GRIK4: variants seen among roughly 807,000 people sequenced by gnomAD.
GRIK4 encodes the protein glutamate ionotropic receptor kainate type subunit 4, also known as glutamate receptor ionotropic, kainate 4.
In GRIK4, 40 loss-of-function variants were observed where a neutral mutation model predicts 104.9. The observed-to-expected ratio is 0.38, with a 90% CI of 0.30 to 0.50. The LOEUF (loss-of-function observed/expected upper bound fraction) is 0.50. Among genes scored for constraint, GRIK4 ranks in the 20% least tolerant of loss-of-function variants. The pLI is 0.93. For synonymous variants in GRIK4, 485 were observed against 524.9 expected (o/e 0.92, Z 1.04); for missense variants, 1,047 against 1,308.1 (o/e 0.80, Z 3.08).
chr11:120,819,688 C>T lies in GRIK4; in HGVS notation c.346-67C>T, dbSNP rs1337480991. On this transcript the variant is annotated intron_variant, in intron 5 of 20. Transcript: ENST00000527524. This position sits in a 1 kb window ranked among gnomAD's most constrained non-coding sequence, Gnocchi z 4.3. Reference sequence around the variant, plus strand: ...TCACCCTCCACAACCTCAGCTCACTCATCCCTCTTTCTTCCTTTTCACCCA... The same window carrying T: ...TCACCCTCCACAACCTCAGCTCACTTATCCCTCTTTCTTCCTTTTCACCCA... 1.4e-6 allele frequency: 2 copies of T among 1,461,152 alleles called. No homozygotes were observed. The highest frequency in any genetic ancestry group is 2.3e-5 in the South Asian group (2 of 86,840). 90.5% of individuals were successfully genotyped at this position (1,461,152 alleles called of 1,614,324 possible).
intron 1 of GRIK4, among the ~76,000 whole-genome samples, chr11:120,539,032 G>A (rs565964796): frequency 1.4e-4 from 21 of 152,348 alleles, no homozygotes; most frequent in Admixed American, 1.0e-3. Flanking sequence ...TGTACCCAAG[G>A]CCAGGGCCAC....
chr11:120,663,876 G>T (rs138631042), intron 3 of GRIK4, among the ~76,000 whole-genome samples: 1 of 151,922 alleles, frequency 6.6e-6, no homozygotes, highest in Non-Finnish European at 1.5e-5. Flanking sequence ...GTCCTTTCCC[G>T]TTATCATCCT....
chr11:120,580,929 C>T (rs751838607), intron 1 of GRIK4, among the ~76,000 whole-genome samples: 35 of 152,104 alleles, frequency 2.3e-4, no homozygotes, highest in Non-Finnish European at 7.4e-5. Context: ...CTAGTATTAT[C>T]CTTAAAACAA....
intron 6 of GRIK4, among the ~76,000 whole-genome samples, chr11:120,829,937 C>T (rs1252995447): frequency 6.6e-6 from 1 of 152,144 alleles, no homozygotes; most frequent in Non-Finnish European, 1.5e-5. Flanking sequence ...TTACAAGTCT[C>T]CATCGAAACC....
At chr11:120,868,537 G>C (rs1250737102) in intron 9 of GRIK4, 4 of 152,060 alleles carry the variant, frequency 2.6e-5, no homozygotes, top group African/African-American at 7.3e-5. Flanking sequence ...AAATGGGGGG[G>C]GGGGCGGTGC....
chr11:120,547,706 C>G (rs771786024), intron 1 of GRIK4, among the ~76,000 whole-genome samples: 7 of 152,040 alleles, frequency 4.6e-5, no homozygotes, highest in South Asian at 2.1e-4. Flanking sequence ...AGCTTGTCAT[C>G]ATTATTTTTT....
chr11:120,574,434 G>A (rs1418538741), intron 1 of GRIK4, among the ~76,000 whole-genome samples: 2 of 152,212 alleles, frequency 1.3e-5, no homozygotes, highest in Non-Finnish European at 2.9e-5. Context: ...AGTCCTATGA[G>A]ACGGGCACTG....
intron 19 of GRIK4, among the ~76,000 whole-genome samples, chr11:120,975,220 G>T (rs1363340418): frequency 6.6e-6 from 1 of 152,194 alleles, no homozygotes; most frequent in Non-Finnish European, 1.5e-5. Context: ...ATGGAAGTGT[G>T]AGACATCTTA....
At chr11:120,667,187 A>G (rs1949928946) in intron 3 of GRIK4, among the ~76,000 whole-genome samples, 2 of 152,224 alleles carry the variant, frequency 1.3e-5, no homozygotes, top group Non-Finnish European at 2.9e-5. Flanking sequence ...GAGACATTTC[A>G]TTATCATTGT....
Position 120,644,011 on chromosome 11 carries a change from C to CTCTGTG in GRIK4, c.-158-9673_-158-9672insCTGTGT, listed in dbSNP as rs1555150753. ...ATGACAAGTTTCCAGGGGAGAGGGTCTGTGTGTGTGTGTGTGTGTGTGTGT... is the reference window on the plus strand; with the variant it reads ...ATGACAAGTTTCCAGGGGAGAGGGTCTCTGTGTGTGTGTGTGTGTGTGTGTGTGTGT... On this transcript the variant is annotated intron_variant, in intron 1 of 20. Transcript: ENST00000527524. Among the ~76,000 whole-genome samples the CTCTGTG allele has an allele frequency of 7.5e-3, 918 of 122,916 alleles. 31 individuals carry two copies. Among genetic ancestry groups the CTCTGTG allele is most frequent in the Admixed American group, 0.062 (780 of 12,670 alleles). 80.6% of individuals were successfully genotyped at this position (122,916 alleles called of 152,430 possible). A position where few individuals can be genotyped will look rare whatever the true frequency, so the allele number is the denominator to read the frequency against.
At chr11:120,776,503 T>C (rs1952045503) in intron 3 of GRIK4, among the ~76,000 whole-genome samples, 1 of 152,204 alleles carries the variant, frequency 6.6e-6, no homozygotes, top group African/African-American at 2.4e-5. Context: ...AGGCAGGAGA[T>C]CACTGGATGC....
At chr11:120,849,486 T>A (rs1199618871) in intron 8 of GRIK4, among the ~76,000 whole-genome samples, 4 of 152,056 alleles carry the variant, frequency 2.6e-5, no homozygotes, top group Non-Finnish European at 5.9e-5. Flanking sequence ...ATCAAGAGAG[T>A]CTAATAATAA....
At chr11:120,803,414 T>G (rs1189287383) in intron 4 of GRIK4, among the ~76,000 whole-genome samples, 1 of 152,116 alleles carries the variant, frequency 6.6e-6, no homozygotes, top group East Asian at 1.9e-4. Context: ...TCTTGCAGGT[T>G]GTTAGGTTGT....
intron 3 of GRIK4, among the ~76,000 whole-genome samples, chr11:120,708,671 C>G (rs114606457): frequency 0.018 from 2,783 of 152,304 alleles, 89 homozygotes; most frequent in African/African-American, 0.057. Context: ...AATGAAGCTG[C>G]CCGCCTAAAG....
rs147722820 is a variant in GRIK4 at position 120,598,695 on chromosome 11, C to G, written c.-158-54990C>G. Among the ~76,000 whole-genome samples the G allele has an allele frequency of 3.6e-3, 541 of 152,344 alleles. 3 individuals are homozygous for G. Among genetic ancestry groups the G allele is most frequent in the Admixed American group, 6.5e-3 (100 of 15,312 alleles). On this transcript the variant is annotated intron_variant, in intron 1 of 20. Coordinates refer to ENST00000527524, the MANE Select transcript of GRIK4 (RefSeq NM_014619.5). ...TGGCAAGGACCACATGGCCTCTTAT[C>G]TTCCAAGAGGCTCGCCCAGGCCTGA...
intron 7 of GRIK4, among the ~76,000 whole-genome samples, chr11:120,834,768 AC>A (rs1723807144): frequency 6.6e-6 from 1 of 151,630 alleles, no homozygotes; most frequent in Non-Finnish European, 1.5e-5. Context: ...CCAGCAACGA[AC>A]TCCATGTTTA....
intron 1 of GRIK4, among the ~76,000 whole-genome samples, chr11:120,563,162 A>G (rs1362873262): frequency 1.3e-5 from 2 of 152,164 alleles, no homozygotes; most frequent in Non-Finnish European, 2.9e-5. Flanking sequence ...CTCTTTCTCT[A>G]TTAGACATAC....
chr11:120,904,934 CT>C (rs1260202481), intron 12 of GRIK4, among the ~76,000 whole-genome samples: 3 of 152,150 alleles, frequency 2.0e-5, no homozygotes, highest in Admixed American at 1.3e-4. Context: ...CCTTATATCT[CT>C]GATAATGCCC....
chr11:120,691,848 A>G (rs558677341), intron 3 of GRIK4, among the ~76,000 whole-genome samples: 41 of 152,308 alleles, frequency 2.7e-4, no homozygotes, highest in African/African-American at 9.9e-4. Context: ...TAAGGGGAGT[A>G]TTTAGGAACT....
Sources: gnomAD v4.1 joint callset for allele counts (sites outside exome capture counted in the v4.1 genomes callset) on GRCh38, gnomAD v4.1.1 for gene constraint, Gnocchi (gnomAD v3.1) non-coding constraint, MANE v1.5 for transcripts, NCBI Gene and HGNC (gene_info 2026-07-23, HGNC 2026-07-21) for gene names.